LPIN2: variants seen among roughly 807,000 people sequenced by gnomAD.
The protein encoded by LPIN2 is lipin 2, also known as phosphatidate phosphatase LPIN2.
LPIN2 carries 55 observed loss-of-function variants against 111.4 expected under a neutral mutation model. The observed-to-expected ratio is 0.49, with a 90% confidence interval of 0.40 to 0.62. The LOEUF is 0.62. Ranked by LOEUF, LPIN2 falls within the 20% of genes least tolerant of loss-of-function variation. The pLI is 0.00. For missense variants in LPIN2, 992 were observed against 1,112.1 expected (o/e 0.89, Z 1.54); for synonymous variants, 425 against 414.0 (o/e 1.03, Z -0.32).
At chr18:2,929,840 A>T (rs2077188511) in intron 9 of LPIN2, among the ~76,000 whole-genome samples, 1 of 152,146 alleles carries the variant, frequency 6.6e-6, no homozygotes, top group African/African-American at 2.4e-5. Flanking sequence ...AACCCAGGAG[A>T]TGGAGGTTGC....
chr18:2,945,763 T>C, intron 4 of LPIN2: 1 of 1,197,832 alleles, frequency 8.3e-7, no homozygotes. Context: ...AACAATGTGC[T>C]ATTTGCTTCT....
rs769901079 is a variant in LPIN2, at chr18:2,920,375, G to A, written c.2609C>T (p.Ser870Phe). Reference sequence around the variant, plus strand: ...GCTGAACTCCGGGCAGGGAAAAGCGGAATTCTGCTCCTTACTGAGAAGGGG... The same window carrying A: ...GCTGAACTCCGGGCAGGGAAAAGCGAAATTCTGCTCCTTACTGAGAAGGGG... ...VFPLLSKEQN[S>F]AFPCPEFSSF... The change falls in exon 20 of 20, where the codon TCC becomes TTC. Residue 870 changes from serine to phenylalanine, a missense_variant. This residue lies in a region of LPIN2 where 185 missense variants were observed against 186.5 expected (regional missense o/e 0.99). Coordinates refer to ENST00000677752, the MANE Select transcript of LPIN2 (RefSeq NM_001375808.2). The A allele has an allele frequency of 1.2e-6, 2 of 1,613,982 alleles. No individual in the cohort carries two copies. The highest frequency in any genetic ancestry group is 2.7e-5 in the African/African-American group (2 of 74,942).
Position 2,918,412 on chromosome 18 carries a change from C to G in LPIN2, c.*1881G>C, listed in dbSNP as rs1351642632. On this transcript the variant is annotated 3_prime_UTR_variant, in exon 20 of 20. Coordinates refer to ENST00000677752, the MANE Select transcript of LPIN2 (RefSeq NM_001375808.2). ...AACACACAAAGCTCTCATTCTTCCT[C>G]TAAATAGAAGGTAGTCAAGAGGACA... 6.6e-6 allele frequency: 1 copy of G among 152,212 alleles called. No homozygotes were observed. Among genetic ancestry groups the G allele is most frequent in the Non-Finnish European group, 1.5e-5 (1 of 68,046 alleles). The allele number at this position is 152,212 out of a possible 1,614,324, so 9.4% of individuals were successfully genotyped here.
chr18:2,932,913 CA>C (rs1339985411), intron 8 of LPIN2, among the ~76,000 whole-genome samples: 1 of 152,178 alleles, frequency 6.6e-6, no homozygotes, highest in Non-Finnish European at 1.5e-5. Flanking sequence ...GGGCAAGAAA[CA>C]AAATTCCATC....
chr18:2,955,247 G>C (rs1050666283), intron 2 of LPIN2, among the ~76,000 whole-genome samples: 1 of 152,166 alleles, frequency 6.6e-6, no homozygotes, highest in Non-Finnish European at 1.5e-5. Context: ...AGGTTTAACT[G>C]GCTCATGGTT....
chr18:2,996,668 G>A (rs879685356), intron 1 of LPIN2, among the ~76,000 whole-genome samples: 12 of 151,396 alleles, frequency 7.9e-5, no homozygotes, highest in African/African-American at 1.7e-4. Context: ...TAGTAGAGAC[G>A]GGGTTTCACC....
At chr18:2,969,556 T>G (rs1268240618) in intron 1 of LPIN2, among the ~76,000 whole-genome samples, 2 of 152,188 alleles carry the variant, frequency 1.3e-5, no homozygotes, top group East Asian at 3.9e-4. Context: ...TAACTTCTTT[T>G]TCCCCACTAA....
intron 7 of LPIN2, among the ~76,000 whole-genome samples, chr18:2,935,382 T>C (rs2077271757): frequency 6.6e-6 from 1 of 152,158 alleles, no homozygotes; most frequent in Non-Finnish European, 1.5e-5. Context: ...AATATAGGAA[T>C]GTCACCTTCA....
At chr18:2,928,068 A>G (rs746692776) in intron 11 of LPIN2, among the ~76,000 whole-genome samples, 5 of 152,186 alleles carry the variant, frequency 3.3e-5, no homozygotes, top group Non-Finnish European at 5.9e-5. Context: ...CAGGTGGGCA[A>G]ATCTCATTTA....
At chr18:2,982,850 G>T in intron 1 of LPIN2, 2 of 528,432 alleles carry the variant, frequency 3.8e-6, no homozygotes, top group Non-Finnish European at 6.7e-6. Flanking sequence ...GACAAACTGA[G>T]TACAAACTGC....
chr18:2,924,239 C>T (rs1323041764), intron 15 of LPIN2, among the ~76,000 whole-genome samples, 159 bp downstream of exon 15: 3 of 152,142 alleles, frequency 2.0e-5, no homozygotes, highest in Non-Finnish European at 4.4e-5. Context: ...AAAAATGACC[C>T]CATGTGGACT....
chr18:2,952,191 C>T (rs776575098), intron 3 of LPIN2, among the ~76,000 whole-genome samples: 1 of 152,202 alleles, frequency 6.6e-6, no homozygotes, highest in Non-Finnish European at 1.5e-5. Flanking sequence ...CTTTGGGAGG[C>T]AGAGGCAGGC....
In LPIN2 at chr18:2,937,873, G is replaced by C. The variant is rs1182622555; in HGVS notation, c.987C>G (p.Pro329=). 1 of 1,614,020 alleles carries C rather than the reference G, an allele frequency of 6.2e-7. No homozygotes were observed. Among genetic ancestry groups the C allele is most frequent in the Non-Finnish European group, 8.5e-7 (1 of 1,180,046 alleles). The change falls in exon 7 of 20, where the codon CCC becomes CCG. Residue 329 remains proline (P), a synonymous_variant. Transcript: ENST00000677752. ...DTVCTIVKPK[P]RALGTQMSDP... is the part of the protein sequence containing the mutation. ...CGCTCATCTGTGTACCCAGGGCTCT[G>C]GGTTTGGGCTTCACTATGGTACAGA...
At position 2,918,739 on chromosome 18, in the gene LPIN2, CAG is replaced by C. The variant is rs1283866794; in HGVS notation, c.*1552_*1553del. 3 of 152,188 alleles carry C rather than the reference CAG, an allele frequency of 2.0e-5. 1 individual carries two copies. The highest frequency in any genetic ancestry group is 7.2e-5 in the African/African-American group (3 of 41,452). 9.4% of individuals were successfully genotyped at this position (152,188 alleles called of 1,614,324 possible). A position where few individuals can be genotyped will look rare whatever the true frequency, so the allele number is the denominator to read the frequency against. On this transcript the variant is annotated 3_prime_UTR_variant, in exon 20 of 20. Coordinates refer to ENST00000677752, the MANE Select transcript of LPIN2 (RefSeq NM_001375808.2). ...CACTAGGAAAATGGCTGAAATCAGT[CAG>C]GGACTTTCAACTCTCCAATCTGGAA...
chr18:2,965,890 T>TA lies in LPIN2; in HGVS notation c.-9-5042dup, dbSNP rs60101231. Among the ~76,000 whole-genome samples the TA allele has an allele frequency of 4.6e-5, 7 of 152,134 alleles. No individual in the cohort carries two copies. In the South Asian group the frequency reaches 8.3e-4, roughly 18 times the overall value. ...GAGATAAAAGGTAGTTTAAAAACAATAAAAAAAATTCATAAATTATCAGCA... is the reference window on the plus strand; with the variant it reads ...GAGATAAAAGGTAGTTTAAAAACAATAAAAAAAAATTCATAAATTATCAGCA... On this transcript the variant is annotated intron_variant, in intron 1 of 19. Coordinates refer to ENST00000677752, the MANE Select transcript of LPIN2 (RefSeq NM_001375808.2).
At chr18:2,997,016 C>G (rs2078355737) in intron 1 of LPIN2, among the ~76,000 whole-genome samples, 1 of 151,736 alleles carries the variant, frequency 6.6e-6, no homozygotes, top group African/African-American at 2.4e-5. Flanking sequence ...GAGTCTCACT[C>G]CCTCACCCAG....
intron 5 of LPIN2, among the ~76,000 whole-genome samples, chr18:2,939,957 A>C (rs1397662809): frequency 6.6e-6 from 1 of 152,164 alleles, no homozygotes; most frequent in East Asian, 1.9e-4. Context: ...CAGAATAAAC[A>C]GTTATGACTA....
chr18:2,943,786 T>G (rs111818190), intron 4 of LPIN2, among the ~76,000 whole-genome samples: 4 of 152,346 alleles, frequency 2.6e-5, no homozygotes, highest in African/African-American at 9.6e-5. Context: ...CTTGTCATGG[T>G]AGTGTAACAT....
At chr18:2,965,326 G>A (rs183704580) in intron 1 of LPIN2, among the ~76,000 whole-genome samples, 1 of 152,302 alleles carries the variant, frequency 6.6e-6, no homozygotes, top group Non-Finnish European at 1.5e-5. Flanking sequence ...GGAATGAATG[G>A]TAGCTTTCAA....
Sources: gnomAD v4.1 joint callset for allele counts (sites outside exome capture counted in the v4.1 genomes callset) on GRCh38, gnomAD v4.1.1 for gene constraint, gnomAD v4.1.1 regional missense constraint, MANE v1.5 for transcripts, NCBI Gene and HGNC (gene_info 2026-07-23, HGNC 2026-07-21) for gene names.